TRHDE: variants seen among roughly 807,000 people sequenced by gnomAD.
The protein encoded by TRHDE is thyrotropin releasing hormone degrading enzyme.
A neutral mutation model predicts 125.7 loss-of-function variants in TRHDE; 72 were observed. The ratio of observed to expected loss-of-function variants is 0.57; its 90% CI spans 0.47 to 0.70. The LOEUF is 0.70. TRHDE is among the 30% of genes least tolerant of loss of function. The pLI, the probability that TRHDE is intolerant of heterozygous loss-of-function variation, is 0.00. For synonymous variants in TRHDE, 509 were observed against 509.1 expected (o/e 1.00, Z 0.00); for missense variants, 1,110 against 1,327.1 (o/e 0.84, Z 2.54).
intron 2 of TRHDE, among the ~76,000 whole-genome samples, chr12:72,325,013 T>G (rs894900642): frequency 6.6e-6 from 1 of 152,102 alleles, no homozygotes; most frequent in South Asian, 2.1e-4. Flanking sequence ...TGTGAGCTTT[T>G]GAGCCAAAAT....
intron 3 of TRHDE, among the ~76,000 whole-genome samples, chr12:72,398,300 G>A (rs929477444): frequency 1.3e-5 from 2 of 152,104 alleles, no homozygotes; most frequent in Non-Finnish European, 2.9e-5. Flanking sequence ...ACATACGTGT[G>A]CATGTGTCTT....
Position 72,161,774 on chromosome 12 carries a change from T to A in TRHDE, n.279+56022T>A, listed in dbSNP as rs555511537. Among the ~76,000 whole-genome samples, 3 of 152,308 alleles carry A rather than the reference T, an allele frequency of 2.0e-5. No individual in the cohort carries two copies. The South Asian group carries it at 6.2e-4, about 32-fold the overall frequency. ...TTGGCTAATTTGGTGTGATGTCAAA[T>A]GAAAAAGAACTTCCATATGGCAGAT... On this transcript the variant is annotated intron_variant and non_coding_transcript_variant, in intron 2 of 4. Transcript: ENST00000548156.
At position 72,144,859 on chromosome 12, in the gene TRHDE, A is replaced by T. The variant is rs949677875; in HGVS notation, n.279+39107A>T. 2.0e-5 allele frequency among the ~76,000 whole-genome samples: 3 copies of T among 152,166 alleles called. No individual in the cohort carries two copies. In the East Asian group the frequency reaches 5.8e-4, roughly 29 times the overall value. On this transcript the variant is annotated intron_variant and non_coding_transcript_variant, in intron 2 of 4. Transcript: ENST00000548156. ...TCTCAGCTTGCCCCTCTTGGTATGTAACATCTATCTTATGGGAGGGCCAAG... is the reference window on the plus strand; with the variant it reads ...TCTCAGCTTGCCCCTCTTGGTATGTTACATCTATCTTATGGGAGGGCCAAG...
intron 3 of TRHDE, among the ~76,000 whole-genome samples, chr12:72,408,651 A>G (rs928620156): frequency 3.3e-5 from 5 of 152,184 alleles, no homozygotes; most frequent in African/African-American, 1.2e-4. Flanking sequence ...CAATGTTTAA[A>G]GAAATAAAAA....
intron 12 of TRHDE, chr12:72,582,165 AAT>A: frequency 1.3e-6 from 1 of 780,556 alleles, no homozygotes; most frequent in Non-Finnish European, 1.6e-6. Context: ...AGTAGTGCAT[AAT>A]ATATGTTTGA....
intron 2 of TRHDE, among the ~76,000 whole-genome samples, chr12:72,307,299 G>A (rs1868357324): frequency 6.6e-6 from 1 of 151,808 alleles, no homozygotes; most frequent in Admixed American, 6.6e-5. Context: ...CGAGTAGCCA[G>A]GATTACAGGC....
chr12:72,489,027 A>G (rs1877538684), intron 5 of TRHDE, among the ~76,000 whole-genome samples: 1 of 151,792 alleles, frequency 6.6e-6, no homozygotes, highest in African/African-American at 2.4e-5. Flanking sequence ...TTATAGTAAT[A>G]AATGCCTACA....
rs1871640158 is a variant in TRHDE at position 72,372,327 on chromosome 12, C to T, written c.1189-5668C>T. ...ATGAGTAGGTTGCGAAAATTTTCTC[C>T]CATTTTGTAGGTTGCCTGTTCACTC... On this transcript the variant is annotated intron_variant, in intron 2 of 18. Coordinates refer to ENST00000261180, the MANE Select transcript of TRHDE (RefSeq NM_013381.3). 5.3e-5 allele frequency among the ~76,000 whole-genome samples: 8 copies of T among 151,990 alleles called. No individual in the cohort carries two copies. In the South Asian group the frequency reaches 1.5e-3, roughly 28 times the overall value.
At chr12:72,271,692 C>T (rs1468734074), upstream of TRHDE, 1 of 345,228 alleles carries the variant, frequency 2.9e-6, no homozygotes, top group African/African-American at 2.1e-5. Flanking sequence ...TGGAGTAGCC[C>T]TGGCAATCTA....
rs1261875542 is a variant in TRHDE at position 72,238,308 on chromosome 12, A to ACATATATATACACAT, written n.279+132556_279+132557insCATATATATACACAT. On this transcript the variant is annotated intron_variant and non_coding_transcript_variant, in intron 2 of 4. Coordinates refer to the TRHDE transcript ENST00000548156. ...TATATATATATATATATATATATAT[A>ACATATATATACACAT]TATATATATATATACATATATATAT... Among the ~76,000 whole-genome samples the ACATATATATACACAT allele has an allele frequency of 5.7e-4, 20 of 34,864 alleles. 1 individual carries two copies. The highest frequency in any genetic ancestry group is 1.6e-3 in the African/African-American group (16 of 10,264). The allele number at this position is 34,864 out of a possible 152,430, so 22.9% of individuals were successfully genotyped here.
intron 15 of TRHDE, among the ~76,000 whole-genome samples, chr12:72,650,142 C>T (rs564920388): frequency 6.6e-6 from 1 of 152,158 alleles, no homozygotes; most frequent in African/African-American, 2.4e-5. Context: ...TGTTCATCAA[C>T]AGATGGATGG....
At chr12:72,658,174 C>G (rs1874780143) in intron 18 of TRHDE, among the ~76,000 whole-genome samples, 2 of 151,994 alleles carry the variant, frequency 1.3e-5, no homozygotes, top group South Asian at 4.1e-4. Context: ...TTTGAAAGCC[C>G]CAGAACATAT....
chr12:72,181,820 A>C (rs1441417733), intron 2 of TRHDE, among the ~76,000 whole-genome samples: 1 of 152,084 alleles, frequency 6.6e-6, no homozygotes, highest in African/African-American at 2.4e-5. Context: ...AGGACAAGGA[A>C]GTTGATCAAT....
chr12:72,553,544 C>G (rs1869774544), intron 7 of TRHDE, among the ~76,000 whole-genome samples: 1 of 152,056 alleles, frequency 6.6e-6, no homozygotes, highest in Non-Finnish European at 1.5e-5. Context: ...ATTCCATGAA[C>G]TGCCCATCAG....
Position 72,116,060 on chromosome 12 carries a change from G to GTC in TRHDE, n.279+10309_279+10310dup, listed in dbSNP as rs376446692. On this transcript the variant is annotated intron_variant and non_coding_transcript_variant, in intron 2 of 4. Transcript: ENST00000548156. ...CAGTGTGTGATGTTCCCCTTTCTGT[G>GTC]TCCATGTGTTCTCATTGTTAACTCC... is the stretch of plus-strand genomic sequence containing the variant. Among the ~76,000 whole-genome samples, 500 of 152,114 alleles carry GTC rather than the reference G, an allele frequency of 3.3e-3. 3 individuals are homozygous for GTC. Among genetic ancestry groups the GTC allele is most frequent in the Middle Eastern group, 6.8e-3 (2 of 294 alleles).
intron 8 of TRHDE, 101 bp from the exon 9 acceptor site, chr12:72,562,752 T>TA: frequency 1.3e-6 from 1 of 750,864 alleles, no homozygotes. Flanking sequence ...AATGTTTTCA[T>TA]ATTTAGGTAA....
chr12:72,478,922 C>CAAAAAAAAAA (rs67346703), intron 5 of TRHDE, among the ~76,000 whole-genome samples: 3 of 106,194 alleles, frequency 2.8e-5, no homozygotes, highest in Admixed American at 1.0e-4. Context: ...TTTTTTTTAG[C>CAAAAAAAAAA]AAAAAAAAAA....
chr12:72,097,165 A>G (rs369295472), intron 1 of TRHDE, among the ~76,000 whole-genome samples: 1 of 152,210 alleles, frequency 6.6e-6, no homozygotes, highest in Admixed American at 6.5e-5. Flanking sequence ...TACAATTAAT[A>G]GTGTATACTA....
intron 2 of TRHDE, among the ~76,000 whole-genome samples, chr12:72,320,931 T>C (rs1042025231): frequency 2.6e-5 from 4 of 152,214 alleles, no homozygotes; most frequent in African/African-American, 9.6e-5. Context: ...AATTAAATAA[T>C]GCATGAGCCT....
Sources: allele counts gnomAD v4.1 joint callset (sites outside exome capture counted in the v4.1 genomes callset), GRCh38; gene constraint gnomAD v4.1.1; transcripts MANE v1.5; gene names NCBI Gene and HGNC (gene_info 2026-07-23, HGNC 2026-07-21).